The following SEPTIN7 variants were observed in gnomAD, a reference collection of about 807,000 sequenced individuals.
SEPTIN7 encodes septin-7.
A neutral mutation model predicts 63.3 loss-of-function variants in SEPTIN7; 10 were observed. The ratio of observed to expected loss-of-function variants is 0.16; its 90% CI spans 0.10 to 0.27. The LOEUF is 0.27. SEPTIN7 is among the 10% of genes least tolerant of loss of function. SEPTIN7 has a pLI of 1.00. For synonymous variants in SEPTIN7, 131 were observed against 165.3 expected (o/e 0.79, Z 1.59); for missense variants, 310 against 521.0 (o/e 0.59, Z 3.94).
rs73695012 is a variant in SEPTIN7, at chr7:35,881,512, T to A, written c.631-972T>A. Among the ~76,000 whole-genome samples, 240 of 151,582 alleles carry A rather than the reference T, an allele frequency of 1.6e-3. 1 individual carries two copies. Among genetic ancestry groups the A allele is most frequent in the African/African-American group, 5.1e-3 (212 of 41,456 alleles). On this transcript the variant is annotated intron_variant, in intron 7 of 13. Coordinates refer to ENST00000350320, the MANE Select transcript of SEPTIN7 (RefSeq NM_001788.6). ...TCCTTGTTTATTCTTTTTTTTTTTT[T>A]AAATATAGGTACGTACCCTAATTGT...
chr7:35,813,231 T>A (rs1447040499), intron 1 of SEPTIN7, among the ~76,000 whole-genome samples: 1 of 152,236 alleles, frequency 6.6e-6, no homozygotes, highest in Non-Finnish European at 1.5e-5. Flanking sequence ...ATACTGGAAT[T>A]CAGATTTCTA....
At chr7:35,823,483 G>A (rs1240662841) in intron 1 of SEPTIN7, among the ~76,000 whole-genome samples, 1 of 152,196 alleles carries the variant, frequency 6.6e-6, no homozygotes, top group Admixed American at 6.5e-5. Flanking sequence ...TTACAGGCAT[G>A]AGCCACCGTG....
intron 9 of SEPTIN7, 72 bp from the exon 10 acceptor site, chr7:35,885,756 C>A: frequency 8.5e-7 from 1 of 1,176,666 alleles, no homozygotes; most frequent in South Asian, 1.3e-5. Flanking sequence ...ACCCCAAGTT[C>A]CTGTGAAATA....
chr7:35,891,207 C>T (rs1009634037), intron 11 of SEPTIN7, among the ~76,000 whole-genome samples: 8 of 151,820 alleles, frequency 5.3e-5, no homozygotes, highest in South Asian at 2.1e-4. Flanking sequence ...ATGTTGGGTT[C>T]GAAAAAAGAG....
At chr7:35,894,957 A>G (rs1219228194) in intron 11 of SEPTIN7, among the ~76,000 whole-genome samples, 1 of 152,190 alleles carries the variant, frequency 6.6e-6, no homozygotes, top group Non-Finnish European at 1.5e-5. Context: ...TAACCTTATA[A>G]AGACAACCCT....
At chr7:35,880,138 C>T (rs1009296835) in intron 7 of SEPTIN7, among the ~76,000 whole-genome samples, 198 bp downstream of exon 7, 8 of 151,206 alleles carry the variant, frequency 5.3e-5, no homozygotes, top group East Asian at 1.9e-4. Flanking sequence ...TCTGTAATAA[C>T]ACCCCCACAC....
In SEPTIN7 at chr7:35,890,753, A is replaced by G; in HGVS notation, c.958A>G (p.Asn320Asp). The G allele has an allele frequency of 1.9e-6, 3 of 1,595,738 alleles. No homozygotes were observed. Among genetic ancestry groups the G allele is most frequent in the Non-Finnish European group, 2.6e-6 (3 of 1,173,694 alleles). The change falls in exon 11 of 14, where the codon AAT becomes GAT. Residue 320 changes from asparagine (N) to aspartate (D), a missense_variant. This residue lies in a region of SEPTIN7 where 255 missense variants were observed against 490.5 expected (regional missense o/e 0.52). Transcript: ENST00000350320. ...RSRKLAAVTY[N>D]GVDNNKNKGQ... ...CAGAAAACTTGCAGCTGTGACTTATAATGGAGTTGATAACAACAAGAATAA... is the reference window on the plus strand; with the variant it reads ...CAGAAAACTTGCAGCTGTGACTTATGATGGAGTTGATAACAACAAGAATAA...
chr7:35,903,889 A>C (rs1583660707), intron 13 of SEPTIN7, among the ~76,000 whole-genome samples: 2 of 152,200 alleles, frequency 1.3e-5, no homozygotes, highest in Admixed American at 1.3e-4. Flanking sequence ...TTGTGAAAGC[A>C]ATTGCACTTC....
chr7:35,903,327 A>G (rs1234004621), intron 13 of SEPTIN7, 112 bp downstream of exon 13: 11 of 1,401,788 alleles, frequency 7.8e-6, no homozygotes, highest in South Asian at 1.7e-5. Context: ...ACCCATTATC[A>G]TGCATTCCAA....
intron 1 of SEPTIN7, among the ~76,000 whole-genome samples, chr7:35,806,751 T>C (rs1284989596): frequency 6.6e-6 from 1 of 152,220 alleles, no homozygotes; most frequent in African/African-American, 2.4e-5. Context: ...AGTTTTTTTG[T>C]TTTTGTTAGT....
intron 1 of SEPTIN7, among the ~76,000 whole-genome samples, chr7:35,822,689 C>A (rs1347434061): frequency 6.6e-6 from 1 of 152,142 alleles, no homozygotes; most frequent in African/African-American, 2.4e-5. Flanking sequence ...AAGTTGGGGA[C>A]CCCTCTACTG....
rs1313730424 is a variant in SEPTIN7, at chr7:35,905,778, A to T, written c.*1485A>T. On this transcript the variant is annotated 3_prime_UTR_variant, in exon 14 of 14. Transcript: ENST00000350320. ...TGAGAACAGTTTCTGACTCATTCAG[A>T]TTAGGTATACTCTCAAGTCCCTGGA... 6.6e-6 allele frequency: 1 copy of T among 152,166 alleles called. No individual in the cohort carries two copies. The highest frequency in any genetic ancestry group is 1.5e-5 in the Non-Finnish European group (1 of 68,028). 9.4% of individuals were successfully genotyped at this position (152,166 alleles called of 1,614,324 possible).
In SEPTIN7 at chr7:35,894,125, C is replaced by CT. The variant is rs35271815; in HGVS notation, c.998+3349dup. Among the ~76,000 whole-genome samples, 677 of 135,332 alleles carry CT rather than the reference C, an allele frequency of 5.0e-3. 10 individuals are homozygous for CT. The highest frequency in any genetic ancestry group is 0.017 in the African/African-American group (640 of 36,664). The allele number at this position is 135,332 out of a possible 152,430, so 88.8% of individuals were successfully genotyped here. ...TGATCCCCAATAAGAGGAGGGCCGT[C>CT]TTTTTTTTTTTTTTTTTCTAAACTT... is the stretch of plus-strand genomic sequence containing the variant. On this transcript the variant is annotated intron_variant, in intron 11 of 13. Transcript: ENST00000350320.
At chr7:35,907,277 C>A (rs4623305), downstream of SEPTIN7, among the ~76,000 whole-genome samples, 1 of 152,150 alleles carries the variant, frequency 6.6e-6, no homozygotes, top group South Asian at 2.1e-4. Flanking sequence ...GAAGTCCTTT[C>A]TAATAATAAG....
intron 4 of SEPTIN7, among the ~76,000 whole-genome samples, chr7:35,864,592 C>T (rs1376808786): frequency 6.6e-6 from 1 of 152,050 alleles, no homozygotes; most frequent in East Asian, 1.9e-4. Context: ...TTGTATACTG[C>T]AGTGATAATA....
chr7:35,890,601 A>G, intron 10 of SEPTIN7, 67 bp from the exon 11 acceptor site: 1 of 1,315,058 alleles, frequency 7.6e-7, no homozygotes, highest in Admixed American at 3.0e-5. Flanking sequence ...ATTCATATTA[A>G]AACTTTTTAA....
intron 3 of SEPTIN7, among the ~76,000 whole-genome samples, chr7:35,861,168 A>G (rs1785486416): frequency 6.6e-6 from 1 of 151,896 alleles, no homozygotes; most frequent in African/African-American, 2.4e-5. Context: ...ATTTCTCTTT[A>G]TTGATATTCT....
At chr7:35,908,495 C>T (rs1034581382), downstream of SEPTIN7, among the ~76,000 whole-genome samples, 2 of 152,170 alleles carry the variant, frequency 1.3e-5, no homozygotes, top group Admixed American at 6.5e-5. Context: ...ATTGGCCACA[C>T]GGAACCTCTT....
intron 10 of SEPTIN7, among the ~76,000 whole-genome samples, chr7:35,886,196 T>C (rs1419360992): frequency 6.6e-6 from 1 of 152,230 alleles, no homozygotes; most frequent in Non-Finnish European, 1.5e-5. Flanking sequence ...GAAAACCTTG[T>C]GAAAACTATA....
Sources: allele counts gnomAD v4.1 joint callset (sites outside exome capture counted in the v4.1 genomes callset), GRCh38; gene constraint gnomAD v4.1.1; regional missense constraint gnomAD v4.1.1; transcripts MANE v1.5; gene names NCBI Gene and HGNC (gene_info 2026-07-23, HGNC 2026-07-21).